TMEM30A: variants seen among roughly 807,000 people sequenced by gnomAD.
TMEM30A encodes the protein cell cycle control protein 50A.
In TMEM30A, 24 loss-of-function variants were observed where a neutral mutation model predicts 38.2. That is an observed-to-expected ratio of 0.63 (90% CI 0.46 to 0.88). TMEM30A has a LOEUF of 0.88. TMEM30A is among the 40% of genes least tolerant of loss of function. TMEM30A has a pLI of 0.00. For synonymous variants in TMEM30A, 145 were observed against 161.6 expected, an observed-to-expected ratio of 0.90 and a Z score of 0.78; for missense variants, 370 against 458.6, an observed-to-expected ratio of 0.81 and a Z score of 1.77.
At chr6:75,284,338 G>C (rs2149526300) in intron 1 of TMEM30A, 64 bp downstream of exon 1, 1 of 1,483,744 alleles carries the variant, frequency 6.7e-7, no homozygotes, top group South Asian at 1.1e-5. Context: ...GAAAGAAGTG[G>C]AGTGGGCGCG....
At chr6:75,259,312 G>C in intron 5 of TMEM30A, 35 bp downstream of exon 5, 2 of 1,570,948 alleles carry the variant, frequency 1.3e-6, no homozygotes, top group Non-Finnish European at 1.7e-6. Flanking sequence ...AAAACTCCTA[G>C]TTTAATTTTT....
intron 1 of TMEM30A, among the ~76,000 whole-genome samples, chr6:75,281,312 C>G (rs1017844955): frequency 6.6e-6 from 1 of 152,014 alleles, no homozygotes. Flanking sequence ...AAATCAGTGC[C>G]CTTTGAAAGA....
At chr6:75,261,751 C>T (rs1771968307) in intron 3 of TMEM30A, among the ~76,000 whole-genome samples, 1 of 152,146 alleles carries the variant, frequency 6.6e-6, no homozygotes. Context: ...ACCAGCTAAC[C>T]TTGACTTGTA....
At position 75,278,908 on chromosome 6, in the gene TMEM30A, G is replaced by A. The variant is rs139681097; in HGVS notation, c.237+5494C>T. Reference sequence around the variant, plus strand: ...GCATCCAAACCTCCCCTAAAGAAGTGCTATTTATCAAGTACCAGCTCAAAG... The same window carrying A: ...GCATCCAAACCTCCCCTAAAGAAGTACTATTTATCAAGTACCAGCTCAAAG... On this transcript the variant is annotated intron_variant, in intron 1 of 6. Coordinates refer to ENST00000230461, the MANE Select transcript of TMEM30A (RefSeq NM_018247.4). Among the ~76,000 whole-genome samples the A allele has an allele frequency of 4.3e-3, 653 of 152,122 alleles. 2 individuals carry two copies. The highest frequency in any genetic ancestry group is 6.2e-3 in the Non-Finnish European group (420 of 68,002).
rs1772430452 is a variant in TMEM30A at position 75,284,589 on chromosome 6, C to G, written c.50G>C (p.Cys17Ser). 6.2e-7 allele frequency: 1 copy of G among 1,613,592 alleles called. No individual in the cohort carries two copies. The highest frequency in any genetic ancestry group is 8.5e-7 in the Non-Finnish European group (1 of 1,179,932). Reference protein sequence around the residue: ...AKDEVDGGPPCAPGGTAKTRR... With the variant: ...AKDEVDGGPPSAPGGTAKTRR... ...AGTCTTCGCGGTGCCCCCCGGAGCACACGGGGGCCCACCGTCCACTTCATC... is the reference window on the plus strand; with the variant it reads ...AGTCTTCGCGGTGCCCCCCGGAGCAGACGGGGGCCCACCGTCCACTTCATC... The change falls in exon 1 of 7, where the codon TGT becomes TCT. Residue 17 changes from cysteine (C) to serine (S), a missense_variant. Physicochemically the swap from Cys to Ser is moderately radical, Grantham distance 112. Coordinates refer to ENST00000230461, the MANE Select transcript of TMEM30A (RefSeq NM_018247.4).
intron 1 of TMEM30A, among the ~76,000 whole-genome samples, chr6:75,281,154 T>G (rs1265281843): frequency 6.6e-6 from 1 of 152,104 alleles, no homozygotes; most frequent in Non-Finnish European, 1.5e-5. Flanking sequence ...TTAAACTTAG[T>G]CTGAATAACA....
Position 75,260,879 on chromosome 6 carries a change from T to C in TMEM30A, c.486A>G (p.Arg162=). The C allele has an allele frequency of 6.2e-7, 1 of 1,602,610 alleles. No individual in the cohort carries two copies. Among genetic ancestry groups the C allele is most frequent in the Non-Finnish European group, 8.5e-7 (1 of 1,177,510 alleles). Residue 162 remains arginine (R), a synonymous_variant, in exon 4 of 7, where the codon AGA becomes AGG. Transcript: ENST00000230461. ...AAGGAGCAATTGGTTTGTCTTCATT[T>C]CTTCGATAAGGTTCACATTCCTTAC... ...NPSKECEPYR[R]NEDKPIAPCG...
Position 75,252,947 on chromosome 6 carries a change from T to C in TMEM30A, c.*3155A>G, listed in dbSNP as rs1205157126. The stretch of plus-strand genomic sequence containing the variant: ...GATTTGTTTTTAGACAAGATATTTA[T>C]TTTGAAGTTCCAAATGACATTAGCA... On this transcript the variant is annotated 3_prime_UTR_variant, in exon 7 of 7. Coordinates refer to ENST00000230461, the MANE Select transcript of TMEM30A (RefSeq NM_018247.4). The C allele has an allele frequency of 6.6e-6, 1 of 152,156 alleles. No homozygotes were observed. Among genetic ancestry groups the C allele is most frequent in the Non-Finnish European group, 1.5e-5 (1 of 68,020 alleles). 9.4% of individuals were successfully genotyped at this position (152,156 alleles called of 1,614,324 possible). A position where few individuals can be genotyped will look rare whatever the true frequency, so the allele number is the denominator to read the frequency against.
chr6:75,260,848 C>T lies in TMEM30A; in HGVS notation c.517G>A (p.Ala173Thr). ...NEDKPIAPCG[A>T]IANSMFNDTL... ...CCATTAAACATGCTGTTGGCAATAGCTCCACAAGGAGCAATTGGTTTGTCT... is the reference window on the plus strand; with the variant it reads ...CCATTAAACATGCTGTTGGCAATAGTTCCACAAGGAGCAATTGGTTTGTCT... Residue 173 changes from alanine (A) to threonine (T), a missense_variant, in exon 4 of 7, where the codon GCT becomes ACT. Physicochemically the swap from Ala to Thr is moderately conservative, Grantham distance 58 (BLOSUM62 0). Transcript: ENST00000230461. 6.3e-7 allele frequency: 1 copy of T among 1,598,828 alleles called. No homozygotes were observed. The highest frequency in any genetic ancestry group is 1.3e-5 in the African/African-American group (1 of 74,328).
chr6:75,278,036 A>C (rs1483958075), intron 1 of TMEM30A, among the ~76,000 whole-genome samples: 1 of 152,224 alleles, frequency 6.6e-6, no homozygotes, highest in Non-Finnish European at 1.5e-5. Context: ...GGTGATATTC[A>C]ATACTCCTAT....
At chr6:75,261,435 G>T (rs1011923849) in intron 3 of TMEM30A, among the ~76,000 whole-genome samples, 1 of 152,210 alleles carries the variant, frequency 6.6e-6, no homozygotes, top group Non-Finnish European at 1.5e-5. Context: ...GTCTAGTGCA[G>T]ATTCCTAGAA....
At position 75,256,059 on chromosome 6, in the gene TMEM30A, G is replaced by T; in HGVS notation, c.*43C>A. Reference sequence around the variant, plus strand: ...TTCGAAAGCTAGGTTGAATAGGACTGGCCTTGATGCACATGCAGATGATTT... The same window carrying T: ...TTCGAAAGCTAGGTTGAATAGGACTTGCCTTGATGCACATGCAGATGATTT... On this transcript the variant is annotated 3_prime_UTR_variant, in exon 7 of 7. Coordinates refer to ENST00000230461, the MANE Select transcript of TMEM30A (RefSeq NM_018247.4). 1 of 1,412,836 alleles carries T rather than the reference G, an allele frequency of 7.1e-7. No homozygotes were observed. The highest frequency in any genetic ancestry group is 2.4e-5 in the East Asian group (1 of 42,318). The allele number at this position is 1,412,836 out of a possible 1,614,324, so 87.5% of individuals were successfully genotyped here. A position where few individuals can be genotyped will look rare whatever the true frequency, so the allele number is the denominator to read the frequency against.
At chr6:75,259,036 A>G (rs897457795) in intron 5 of TMEM30A, 50 bp from the exon 6 acceptor site, 1 of 1,485,290 alleles carries the variant, frequency 6.7e-7, no homozygotes. Context: ...ACATTGTGAA[A>G]TTAAAGTGGC....
At chr6:75,283,136 A>G (rs1772387974) in intron 1 of TMEM30A, among the ~76,000 whole-genome samples, 1 of 152,236 alleles carries the variant, frequency 6.6e-6, no homozygotes. Context: ...TATAGATACT[A>G]TTCTTATTAC....
chr6:75,268,458 A>T (rs1772103714), intron 1 of TMEM30A, among the ~76,000 whole-genome samples: 1 of 152,216 alleles, frequency 6.6e-6, no homozygotes, highest in African/African-American at 2.4e-5. Flanking sequence ...TCAGTGTTCA[A>T]TCAATCAAGC....
chr6:75,257,981 C>T (rs1228922299), intron 6 of TMEM30A, among the ~76,000 whole-genome samples: 1 of 152,016 alleles, frequency 6.6e-6, no homozygotes, highest in Non-Finnish European at 1.5e-5. Context: ...TGAGTATTTC[C>T]CTCCTAAAAA....
intron 1 of TMEM30A, among the ~76,000 whole-genome samples, chr6:75,275,428 C>G (rs1044651986): frequency 6.6e-6 from 1 of 152,116 alleles, no homozygotes; most frequent in Non-Finnish European, 1.5e-5. Flanking sequence ...GGCATCTCAT[C>G]CTAACAAGTC....
chr6:75,262,772 A>C (rs920122228), intron 3 of TMEM30A, among the ~76,000 whole-genome samples: 1 of 152,262 alleles, frequency 6.6e-6, no homozygotes, highest in African/African-American at 2.4e-5. Context: ...CCTATTTTTA[A>C]GCAACTCAAA....
chr6:75,262,816 A>G (rs1771994831), intron 3 of TMEM30A, among the ~76,000 whole-genome samples: 1 of 152,214 alleles, frequency 6.6e-6, no homozygotes, highest in Admixed American at 6.5e-5. Flanking sequence ...TACAAAACCA[A>G]CTATCATACG....
Sources: allele counts gnomAD v4.1 joint callset (sites outside exome capture counted in the v4.1 genomes callset), GRCh38; gene constraint gnomAD v4.1.1; transcripts MANE v1.5; gene names NCBI Gene and HGNC (gene_info 2026-07-23, HGNC 2026-07-21).